ATP6V0E1: variants seen among roughly 807,000 people sequenced by gnomAD.
ATP6V0E1 encodes the protein ATPase H+ transporting V0 subunit e1, also known as V-type proton ATPase subunit e 1.
In ATP6V0E1, 4 loss-of-function variants were observed where a neutral mutation model predicts 11.6. That is an observed-to-expected ratio of 0.35 (90% CI 0.17 to 0.79). The LOEUF is 0.79. ATP6V0E1 is among the 30% of genes least tolerant of loss of function. The pLI, the probability that ATP6V0E1 is intolerant of heterozygous loss-of-function variation, is 0.54. For synonymous variants in ATP6V0E1, 36 were observed against 34.8 expected (o/e 1.04, Z -0.13); for missense variants, 105 against 100.0 (o/e 1.05, Z -0.21).
Position 173,027,754 on chromosome 5 carries a change from A to G in ATP6V0E1, c.*37-6645A>G, listed in dbSNP as rs149774197. 2.0e-4 allele frequency among the ~76,000 whole-genome samples: 30 copies of G among 152,088 alleles called. No individual in the cohort carries two copies. The East Asian group carries it at 5.4e-3, about 27-fold the overall frequency. On this transcript the variant is annotated intron_variant, in intron 3 of 3. Coordinates refer to ENST00000519374, the MANE Select transcript of ATP6V0E1 (RefSeq NM_003945.4). ...CAGGCATGAGCCAATGTGCCTGGCA[A>G]TAATACCAATTTTTTTTAACCTGCC...
chr5:172,985,982 C>T (rs573955253), intron 1 of ATP6V0E1, among the ~76,000 whole-genome samples: 5 of 152,302 alleles, frequency 3.3e-5, no homozygotes, highest in Non-Finnish European at 7.4e-5. Flanking sequence ...TCCTTAAATA[C>T]TGTATAGACA....
chr5:173,029,665 TTGTTTTGTTTTGCTTTTC>T, intron 3 of ATP6V0E1, among the ~76,000 whole-genome samples: 1 of 152,298 alleles, frequency 6.6e-6, no homozygotes, highest in African/African-American at 2.4e-5. Flanking sequence ...ATTTTTTGTT[TTGTTTTGTTTTGCTTTTC>T]TGTTTTGTTT....
intron 2 of ATP6V0E1, among the ~76,000 whole-genome samples, chr5:173,015,184 G>A (rs1315890782): frequency 6.6e-6 from 1 of 152,168 alleles, no homozygotes; most frequent in East Asian, 1.9e-4. Flanking sequence ...TCCTGGTCTA[G>A]GATCTACTAC....
At chr5:173,025,683 A>T (rs1216991451) in intron 3 of ATP6V0E1, among the ~76,000 whole-genome samples, 1 of 149,886 alleles carries the variant, frequency 6.7e-6, no homozygotes, top group Non-Finnish European at 1.5e-5. Context: ...TTTGGTAGAG[A>T]CTCAGGGTTT....
At chr5:173,018,800 T>G (rs566544813) in intron 2 of ATP6V0E1, among the ~76,000 whole-genome samples, 1 of 152,350 alleles carries the variant, frequency 6.6e-6, no homozygotes, top group East Asian at 1.9e-4. Context: ...GTTTGAATAC[T>G]CAGACATTTG....
In ATP6V0E1 at chr5:173,034,477, A is replaced by G. The variant is rs1451652272; in HGVS notation, c.*115A>G. 4.3e-6 allele frequency: 3 copies of G among 702,398 alleles called. No individual in the cohort carries two copies. Among genetic ancestry groups the G allele is most frequent in the Middle Eastern group, 2.3e-4 (1 of 4,390 alleles). The allele number at this position is 702,398 out of a possible 1,614,324, so 43.5% of individuals were successfully genotyped here. ...TTTTCTTGACTTGCCTGTTTTGGCC[A>G]TTAGCTGCCTTAAACGTTAACAGCA... On this transcript the variant is annotated 3_prime_UTR_variant, in exon 4 of 4. Transcript: ENST00000519374.
At chr5:173,030,441 GTT>G (rs60654421) in intron 3 of ATP6V0E1, among the ~76,000 whole-genome samples, 32 of 127,518 alleles carry the variant, frequency 2.5e-4, no homozygotes, top group African/African-American at 4.1e-4. Flanking sequence ...TCAGTTTTTT[GTT>G]TTTTTTTTTT....
intron 2 of ATP6V0E1, among the ~76,000 whole-genome samples, chr5:173,015,514 G>A (rs372090093): frequency 6.6e-6 from 1 of 152,110 alleles, no homozygotes; most frequent in South Asian, 2.1e-4. Context: ...AGGGGGAGGG[G>A]CTGAACCTTA....
intron 1 of ATP6V0E1, among the ~76,000 whole-genome samples, chr5:172,994,221 C>T (rs771802427): frequency 6.6e-6 from 1 of 151,876 alleles, no homozygotes; most frequent in Non-Finnish European, 1.5e-5. Context: ...GAGGGTGGGT[C>T]GGTTGGGTGA....
intron 3 of ATP6V0E1, among the ~76,000 whole-genome samples, chr5:173,027,197 A>AAAAAAAAT (rs1756575494): frequency 7.8e-6 from 1 of 128,048 alleles, no homozygotes; most frequent in Non-Finnish European, 1.6e-5. Context: ...AAAAAAAAAA[A>AAAAAAAAT]AAAAAAATAG....
chr5:173,025,504 CTTTTTTTTTTTT>C (rs60822937), intron 3 of ATP6V0E1, among the ~76,000 whole-genome samples: 6 of 65,566 alleles, frequency 9.2e-5, no homozygotes, highest in South Asian at 1.2e-3. Flanking sequence ...ATATAAAATA[CTTTTTTTTTTTT>C]TTTTTTTTTT....
At chr5:173,031,048 C>G (rs2113617376) in intron 3 of ATP6V0E1, among the ~76,000 whole-genome samples, 1 of 151,742 alleles carries the variant, frequency 6.6e-6, no homozygotes, top group South Asian at 2.1e-4. Context: ...GGGTTCATGC[C>G]ATTCTCCTGC....
At chr5:173,016,768 G>C (rs1756406537) in intron 2 of ATP6V0E1, among the ~76,000 whole-genome samples, 1 of 152,166 alleles carries the variant, frequency 6.6e-6, no homozygotes, top group Admixed American at 6.5e-5. Flanking sequence ...TTTTCAGTGT[G>C]TCCGCCTGTG....
At chr5:173,028,626 T>G (rs1756597210) in intron 3 of ATP6V0E1, among the ~76,000 whole-genome samples, 1 of 152,236 alleles carries the variant, frequency 6.6e-6, no homozygotes, top group Admixed American at 6.5e-5. Flanking sequence ...CTTTTGCTGC[T>G]TTAATCAAGG....
At chr5:173,020,157 A>T in intron 2 of ATP6V0E1, 81 bp from the exon 3 acceptor site, 1 of 1,165,250 alleles carries the variant, frequency 8.6e-7, no homozygotes, top group Non-Finnish European at 1.3e-6. Context: ...TTGCTAGTGT[A>T]CTTTTTCCAT....
intron 3 of ATP6V0E1, among the ~76,000 whole-genome samples, chr5:173,028,326 T>C (rs1282827930): frequency 6.6e-6 from 1 of 152,240 alleles, no homozygotes; most frequent in African/African-American, 2.4e-5. Context: ...TTTTGGATGG[T>C]AAAGTCAAAG....
intron 2 of ATP6V0E1, among the ~76,000 whole-genome samples, chr5:173,013,590 A>T (rs1756362794): frequency 6.6e-6 from 1 of 151,582 alleles, no homozygotes; most frequent in Non-Finnish European, 1.5e-5. Flanking sequence ...AAAAAAAAAA[A>T]AAAAGAGACA....
intron 2 of ATP6V0E1, among the ~76,000 whole-genome samples, chr5:173,001,203 T>C (rs896305006): frequency 3.3e-5 from 5 of 152,100 alleles, no homozygotes; most frequent in Non-Finnish European, 7.4e-5. Flanking sequence ...AATGGCACAG[T>C]GTAGCAGTGA....
Position 173,006,662 on chromosome 5 carries a change from C to T in ATP6V0E1, c.152+11840C>T, listed in dbSNP as rs143208198. On this transcript the variant is annotated intron_variant, in intron 2 of 3. Transcript: ENST00000519374. ...CACTCTACTCTGGATGGGCCTTGGG[C>T]CTTGTCCACTGTTTGCTGTGCCCTG... Among the ~76,000 whole-genome samples, 232 of 152,258 alleles carry T rather than the reference C, an allele frequency of 1.5e-3. 2 individuals are homozygous for T. The highest frequency in any genetic ancestry group is 5.2e-3 in the African/African-American group (215 of 41,558).
Sources: gnomAD v4.1 joint callset for allele counts (sites outside exome capture counted in the v4.1 genomes callset) on GRCh38, gnomAD v4.1.1 for gene constraint, MANE v1.5 for transcripts, NCBI Gene and HGNC (gene_info 2026-07-23, HGNC 2026-07-21) for gene names.